SUCLG2: variants seen among roughly 807,000 people sequenced by gnomAD.
SUCLG2 encodes succinate--CoA ligase [GDP-forming] subunit beta, mitochondrial.
Under a neutral mutation model 47.9 loss-of-function variants are expected in SUCLG2, and 42 were observed. The observed-to-expected ratio is 0.88, with a 90% CI of 0.69 to 1.14. The LOEUF is 1.14. Among genes scored for constraint, SUCLG2 ranks in the 50% most tolerant of loss-of-function variants. The pLI, the probability that SUCLG2 is intolerant of heterozygous loss-of-function variation, is 0.00. For missense variants in SUCLG2, 571 were observed against 525.9 expected (o/e 1.09, Z -0.84); for synonymous variants, 195 against 197.3 (o/e 0.99, Z 0.10).
intron 10 of SUCLG2, 155 bp from the exon 11 acceptor site, chr3:67,376,014 T>C (rs1422303549): frequency 2.0e-6 from 2 of 985,448 alleles, no homozygotes; most frequent in African/African-American, 1.7e-5. Context: ...GAAAAGATTA[T>C]GTGATGAAAT....
rs191249316 is a variant in SUCLG2, at chr3:67,641,466, T to G, written c.84+13037A>C. 2.9e-4 allele frequency among the ~76,000 whole-genome samples: 44 copies of G among 152,286 alleles called. No homozygotes were observed. In the East Asian group the frequency reaches 3.3e-3, roughly 11 times the overall value. On this transcript the variant is annotated intron_variant, in intron 1 of 10. Coordinates refer to ENST00000307227, the MANE Select transcript of SUCLG2 (RefSeq NM_003848.4). ...TATTAGGTTGGTGCAAAGTTACAAATTTCAAAAACCGCAATTACTTTTGCA... is the reference window on the plus strand; with the variant it reads ...TATTAGGTTGGTGCAAAGTTACAAAGTTCAAAAACCGCAATTACTTTTGCA...
In SUCLG2 at chr3:67,491,195, C is replaced by CTT. The variant is rs139152601; in HGVS notation, c.1062+4601_1062+4602dup. 6.5e-3 allele frequency among the ~76,000 whole-genome samples: 952 copies of CTT among 147,134 alleles called. 16 individuals are homozygous for CTT. The highest frequency in any genetic ancestry group is 0.023 in the African/African-American group (919 of 39,606). On this transcript the variant is annotated intron_variant, in intron 9 of 10. Transcript: ENST00000307227. ...ATTAGCCGGGCATGGTGGCAGACGC[C>CTT]TTTAGTCCCAGCTACTCAGGAGGCT...
At chr3:67,367,873 TATAAG>T (rs1292298421) in intron 10 of SUCLG2, among the ~76,000 whole-genome samples, 12 of 152,216 alleles carry the variant, frequency 7.9e-5, no homozygotes, top group Non-Finnish European at 1.5e-4. Context: ...AGTATCTAGC[TATAAG>T]ATATTTTATA....
At position 67,617,376 on chromosome 3, in the gene SUCLG2, T is replaced by G. The variant is rs1868674; in HGVS notation, c.85-7780A>C. 1.8e-4 allele frequency among the ~76,000 whole-genome samples: 28 copies of G among 152,068 alleles called. No individual in the cohort carries two copies. In the East Asian group the frequency reaches 5.2e-3, roughly 28 times the overall value. On this transcript the variant is annotated intron_variant, in intron 1 of 10. Transcript: ENST00000307227. ...CTACAGAAATAGGTAAGAAAAGTAA[T>G]CATCGGGATTAGAAGCCTAAGCCTA...
intron 10 of SUCLG2, among the ~76,000 whole-genome samples, chr3:67,388,652 G>A (rs1238711940): frequency 1.3e-5 from 2 of 152,198 alleles, no homozygotes; most frequent in African/African-American, 4.8e-5. Context: ...TGCAAATCAA[G>A]CCAATGCTTT....
At chr3:67,491,639 T>A (rs1479343083) in intron 9 of SUCLG2, among the ~76,000 whole-genome samples, 2 of 152,196 alleles carry the variant, frequency 1.3e-5, no homozygotes, top group Non-Finnish European at 2.9e-5. Flanking sequence ...ATTACAGGCA[T>A]GAGCCACCGC....
intron 7 of SUCLG2, among the ~76,000 whole-genome samples, chr3:67,507,246 A>G (rs1705661250): frequency 6.6e-6 from 1 of 152,226 alleles, no homozygotes; most frequent in African/African-American, 2.4e-5. Flanking sequence ...TTTATAAATG[A>G]GCAAGCACAG....
chr3:67,549,441 A>C (rs1451565633), intron 2 of SUCLG2, among the ~76,000 whole-genome samples: 1 of 152,236 alleles, frequency 6.6e-6, no homozygotes, highest in African/African-American at 2.4e-5. Flanking sequence ...TCTGTGGTAC[A>C]AACTAGAGTA....
chr3:67,419,583 A>T (rs1280871225), intron 9 of SUCLG2, among the ~76,000 whole-genome samples: 1 of 152,160 alleles, frequency 6.6e-6, no homozygotes, highest in African/African-American at 2.4e-5. Flanking sequence ...GTTTTCTTAA[A>T]GTCTTATATT....
intron 1 of SUCLG2, 134 bp downstream of exon 1, chr3:67,654,369 C>T: frequency 1.5e-6 from 1 of 653,830 alleles, no homozygotes; most frequent in Non-Finnish European, 2.2e-6. Flanking sequence ...CCCGGCGCCG[C>T]GTCACCTCCC....
intron 10 of SUCLG2, chr3:67,376,594 G>C (rs925115646): frequency 4.5e-5 from 35 of 770,840 alleles, no homozygotes; most frequent in Non-Finnish European, 5.5e-5. Context: ...TGGCAAGACA[G>C]AGCCTATTTA....
At chr3:67,558,841 C>T (rs1445781579) in intron 2 of SUCLG2, among the ~76,000 whole-genome samples, 1 of 152,130 alleles carries the variant, frequency 6.6e-6, no homozygotes, top group Admixed American at 6.5e-5. Context: ...GATCAATGAT[C>T]CTTTTACCCT....
intron 2 of SUCLG2, among the ~76,000 whole-genome samples, chr3:67,606,649 T>A (rs1448172454): frequency 6.6e-6 from 1 of 152,200 alleles, no homozygotes; most frequent in East Asian, 1.9e-4. Flanking sequence ...GGTTTAGATC[T>A]TATTTTACTG....
At chr3:67,630,957 G>C (rs1374860852) in intron 1 of SUCLG2, among the ~76,000 whole-genome samples, 1 of 152,176 alleles carries the variant, frequency 6.6e-6, no homozygotes, top group East Asian at 1.9e-4. Context: ...AAAACCTAAA[G>C]TATCTACTCC....
intron 9 of SUCLG2, among the ~76,000 whole-genome samples, chr3:67,490,129 T>G (rs1705169248): frequency 6.6e-6 from 1 of 152,208 alleles, no homozygotes; most frequent in African/African-American, 2.4e-5. Flanking sequence ...AATCACTGGT[T>G]ATTCAAATCA....
intron 2 of SUCLG2, among the ~76,000 whole-genome samples, chr3:67,557,106 C>A (rs192358683): frequency 3.3e-4 from 50 of 152,260 alleles, no homozygotes; most frequent in Admixed American, 3.3e-3. Flanking sequence ...GAATTCTAGA[C>A]ATGTTTCTTT....
Position 67,496,014 on chromosome 3 carries a change from C to T in SUCLG2, c.920-74G>A, listed in dbSNP as rs1705331294. 4 of 1,575,392 alleles carry T rather than the reference C, an allele frequency of 2.5e-6. No individual in the cohort carries two copies. In the African/African-American group the frequency reaches 4.0e-5, roughly 16 times the overall value. On this transcript the variant is annotated intron_variant, in intron 8 of 10. Transcript: ENST00000307227. ...AATGGTCCATAAACATTTTCCCTCC[C>T]CCATATTGCCAAGAGAGAACTCTGT... is the stretch of plus-strand genomic sequence containing the variant.
chr3:67,488,481 A>G (rs1705121248), intron 9 of SUCLG2, among the ~76,000 whole-genome samples: 1 of 152,202 alleles, frequency 6.6e-6, no homozygotes, highest in South Asian at 2.1e-4. Context: ...AATCAGTCCA[A>G]AGGATTTCAG....
intron 1 of SUCLG2, 31 bp downstream of exon 1, chr3:67,654,472 T>C (rs1196963309): frequency 1.6e-6 from 2 of 1,229,034 alleles, no homozygotes; most frequent in Non-Finnish European, 1.0e-6. Context: ...GCGCCGCTGC[T>C]GGCGCCCGCA....
Sources: allele counts gnomAD v4.1 joint callset (sites outside exome capture counted in the v4.1 genomes callset), GRCh38; gene constraint gnomAD v4.1.1; transcripts MANE v1.5; gene names NCBI Gene and HGNC (gene_info 2026-07-23, HGNC 2026-07-21).